The following RANBP2 variants were observed in gnomAD, a reference collection of about 807,000 sequenced individuals.
RANBP2 encodes RAN binding protein 2, also known as E3 SUMO-protein ligase RanBP2.
Under a neutral mutation model 303.6 loss-of-function variants are expected in RANBP2, and 57 were observed. The ratio of observed to expected loss-of-function variants is 0.19; its 90% CI spans 0.15 to 0.23. RANBP2 has a LOEUF of 0.23. Ranked by LOEUF, RANBP2 falls within the 10% of genes least tolerant of loss-of-function variation. The pLI, the probability that RANBP2 is intolerant of heterozygous loss-of-function variation, is 1.00. For synonymous variants in RANBP2, 1,167 were observed against 1,301.5 expected, an observed-to-expected ratio of 0.90 and a Z score of 2.23; for missense variants, 3,138 against 3,780.8, an observed-to-expected ratio of 0.83 and a Z score of 4.46.
chr2:108,923,529 C>T, the RANBP2 span: 24 of 1,391,148 alleles, frequency 1.7e-5, no homozygotes, highest in African/African-American at 7.1e-5. Flanking sequence ...GCAGAGAGCA[C>T]GGTGGCCAGT....
chr2:108,757,980 C>T (rs566089378), intron 17 of RANBP2, among the ~76,000 whole-genome samples: 4 of 152,248 alleles, frequency 2.6e-5, no homozygotes, highest in Non-Finnish European at 5.9e-5. Context: ...ACCTAGAACT[C>T]ACTGGCAAAT....
At chr2:109,039,820 ATGTG>A in the RANBP2 span, among the ~76,000 whole-genome samples, 1 of 151,534 alleles carries the variant, frequency 6.6e-6, no homozygotes, top group African/African-American at 2.4e-5. Flanking sequence ...TCTATTTGTT[ATGTG>A]TATCTTTTTT....
At chr2:108,788,197 T>C (rs906425048), downstream of RANBP2, 5 of 1,073,450 alleles carry the variant, frequency 4.7e-6, no homozygotes, top group African/African-American at 8.3e-5. Context: ...GGCAGGCGAA[T>C]CACCTGAGGT....
intron 2 of RANBP2, among the ~76,000 whole-genome samples, chr2:108,730,503 G>A (rs1301869743): frequency 6.6e-6 from 1 of 152,066 alleles, no homozygotes; most frequent in Admixed American, 6.6e-5. Context: ...CAATTTATAT[G>A]TTCATTTCTT....
At chr2:109,500,635 T>A in the RANBP2 span, among the ~76,000 whole-genome samples, 2 of 152,178 alleles carry the variant, frequency 1.3e-5, no homozygotes, top group African/African-American at 2.4e-5. Context: ...AAAAATCTTA[T>A]GATTTTTGGA....
chr2:109,416,742 A>T, the RANBP2 span, among the ~76,000 whole-genome samples: 1 of 151,802 alleles, frequency 6.6e-6, no homozygotes, highest in South Asian at 2.1e-4. Context: ...TACAACAACA[A>T]CAACGAACAA....
chr2:109,405,880 C>T, the RANBP2 span, among the ~76,000 whole-genome samples: 1 of 152,354 alleles, frequency 6.6e-6, no homozygotes, highest in Non-Finnish European at 1.5e-5. Flanking sequence ...CTCTCACACG[C>T]TAGCTTCCTT....
the RANBP2 span, among the ~76,000 whole-genome samples, chr2:109,011,468 C>A: frequency 6.6e-6 from 1 of 152,164 alleles, no homozygotes; most frequent in Non-Finnish European, 1.5e-5. Context: ...TTCTTTTCTC[C>A]ATAAGCTAAT....
At chr2:109,423,938 AATTTTATTGAGAGAGTCTCTG>A in the RANBP2 span, among the ~76,000 whole-genome samples, 119 of 152,232 alleles carry the variant, frequency 7.8e-4, no homozygotes, top group Non-Finnish European at 1.2e-3. Context: ...AAGAGCAGAG[AATTTTATTGAGAGAGTCTCTG>A]GATGACATAG....
chr2:108,962,837 A>G, the RANBP2 span, among the ~76,000 whole-genome samples: 7 of 152,158 alleles, frequency 4.6e-5, no homozygotes, highest in Non-Finnish European at 7.4e-5. Flanking sequence ...GTGATGCTGA[A>G]TTAAAAGCAC....
chr2:108,753,662 C>T, intron 14 of RANBP2, 99 bp downstream of exon 14: 1 of 1,588,722 alleles, frequency 6.3e-7, no homozygotes, highest in Non-Finnish European at 8.5e-7. Flanking sequence ...AGTGCAGTGG[C>T]ACAATCTTGG....
At chr2:109,180,691 C>T in the RANBP2 span, among the ~76,000 whole-genome samples, 2 of 152,188 alleles carry the variant, frequency 1.3e-5, no homozygotes, top group East Asian at 3.9e-4. Flanking sequence ...TAAGATGTGA[C>T]TTGCTCCTCC....
chr2:109,073,464 C>T, the RANBP2 span, among the ~76,000 whole-genome samples: 1 of 151,808 alleles, frequency 6.6e-6, no homozygotes, highest in Non-Finnish European at 1.5e-5. Flanking sequence ...GTCAGGAGAT[C>T]GAGACCATCC....
At chr2:109,185,787 T>C in the RANBP2 span, among the ~76,000 whole-genome samples, 39 of 152,368 alleles carry the variant, frequency 2.6e-4, no homozygotes, top group Admixed American at 1.8e-3. Flanking sequence ...CTTGGCACAC[T>C]AATACTTCAG....
At chr2:108,901,745 T>G in the RANBP2 span, among the ~76,000 whole-genome samples, 1 of 152,232 alleles carries the variant, frequency 6.6e-6, no homozygotes, top group Non-Finnish European at 1.5e-5. Flanking sequence ...CTATCACAAC[T>G]TACCCAATAT....
the RANBP2 span, among the ~76,000 whole-genome samples, chr2:108,867,011 T>A: frequency 6.6e-6 from 1 of 152,200 alleles, no homozygotes; most frequent in African/African-American, 2.4e-5. Context: ...TTATATTGTT[T>A]ATGGTTATTT....
chr2:108,786,957 T>TG (rs1243627997), downstream of RANBP2: 3 of 1,375,006 alleles, frequency 2.2e-6, no homozygotes, highest in East Asian at 3.0e-5. Context: ...CTCCTGCTGC[T>TG]GGGGGGCGGC....
chr2:109,004,234 C>G, the RANBP2 span, among the ~76,000 whole-genome samples: 2 of 152,132 alleles, frequency 1.3e-5, no homozygotes, highest in African/African-American at 4.8e-5. Flanking sequence ...ACCTTAGGAC[C>G]CCTGATGGCC....
chr2:109,220,486 G>T, the RANBP2 span, among the ~76,000 whole-genome samples: 20 of 152,244 alleles, frequency 1.3e-4, no homozygotes, highest in African/African-American at 4.6e-4. Context: ...AGAGTGAAAA[G>T]ATAACCTAAA....
Sources: allele counts gnomAD v4.1 joint callset (sites outside exome capture counted in the v4.1 genomes callset), GRCh38; gene constraint gnomAD v4.1.1; transcripts MANE v1.5; gene names NCBI Gene and HGNC (gene_info 2026-07-23, HGNC 2026-07-21).